The following TACC2 variants were observed in gnomAD, a reference collection of about 807,000 sequenced individuals.
The protein encoded by TACC2 is transforming acidic coiled-coil-containing protein 2.
Under a neutral mutation model 227.3 loss-of-function variants are expected in TACC2, and 137 were observed. The ratio of observed to expected loss-of-function variants is 0.60; its 90% CI spans 0.52 to 0.69. The LOEUF (loss-of-function observed/expected upper bound fraction) is 0.69. Ranked by LOEUF, TACC2 falls within the 30% of genes least tolerant of loss-of-function variation. TACC2 has a pLI of 0.00. For synonymous variants in TACC2, 1,523 were observed against 1,487.5 expected (o/e 1.02, Z -0.55); for missense variants, 3,470 against 3,694.4 (o/e 0.94, Z 1.57).
chr10:122,117,367 G>T (rs1348535146), intron 5 of TACC2, among the ~76,000 whole-genome samples: 2 of 151,650 alleles, frequency 1.3e-5, no homozygotes, highest in Non-Finnish European at 2.9e-5. Flanking sequence ...CTAATTTTTT[G>T]TATTTTTAGT....
At chr10:122,218,227 G>A (rs2095450108) in intron 11 of TACC2, among the ~76,000 whole-genome samples, 1 of 152,206 alleles carries the variant, frequency 6.6e-6, no homozygotes, top group South Asian at 2.1e-4. Flanking sequence ...ACACGTGTGA[G>A]CCACCGCGCC....
At chr10:122,017,233 GGTGGTTTCTGGAAA>G (rs1956768562) in intron 1 of TACC2, among the ~76,000 whole-genome samples, 1 of 152,258 alleles carries the variant, frequency 6.6e-6, no homozygotes, top group Admixed American at 6.5e-5. Context: ...GTTTCTGGAG[GGTGGTTTCTGGAAA>G]GTGGTTTCTG....
chr10:122,018,379 T>C (rs1407563473), intron 1 of TACC2, among the ~76,000 whole-genome samples: 1 of 152,214 alleles, frequency 6.6e-6, no homozygotes, highest in Non-Finnish European at 1.5e-5. Context: ...ACATTTACAC[T>C]TGTAAAACTT....
At chr10:122,252,466 A>C (rs1460579885) in intron 22 of TACC2, among the ~76,000 whole-genome samples, 1 of 151,620 alleles carries the variant, frequency 6.6e-6, no homozygotes, top group Non-Finnish European at 1.5e-5. Flanking sequence ...AGCAGGGGCC[A>C]TAGTGGCAAT....
chr10:122,182,234 T>C (rs1265971461), intron 7 of TACC2, among the ~76,000 whole-genome samples: 4 of 152,234 alleles, frequency 2.6e-5, no homozygotes, highest in Non-Finnish European at 5.9e-5. Context: ...GGCAGGACCC[T>C]GAGAACTATC....
At chr10:121,995,539 A>C (rs1324812687) in intron 1 of TACC2, among the ~76,000 whole-genome samples, 1 of 152,186 alleles carries the variant, frequency 6.6e-6, no homozygotes, top group Non-Finnish European at 1.5e-5. Context: ...TGAGTGTATT[A>C]GTCTGTTTTG....
At position 122,242,011 on chromosome 10, in the gene TACC2, C is replaced by T. The variant is rs1435483464; in HGVS notation, c.8392+10C>T. 6.2e-7 allele frequency: 1 copy of T among 1,613,980 alleles called. No homozygotes were observed. Among genetic ancestry groups the T allele is most frequent in the Non-Finnish European group, 8.5e-7 (1 of 1,179,820 alleles). On this transcript the variant is annotated intron_variant, in intron 19 of 22. Transcript: ENST00000369005. ...ATCGCTCAGATGATAGGTAGGTGTC[C>T]TGACCTGCGGGGGCTCAGGCCGGCC...
At chr10:122,121,626 CT>C (rs2085822218) in intron 5 of TACC2, among the ~76,000 whole-genome samples, 1 of 152,238 alleles carries the variant, frequency 6.6e-6, no homozygotes, top group Admixed American at 6.5e-5. Flanking sequence ...GTGACAAGCG[CT>C]GCTTATAATT....
At chr10:122,032,999 CAAA>C (rs1221264157) in intron 2 of TACC2, 166 of 752,822 alleles carry the variant, frequency 2.2e-4, no homozygotes, top group Non-Finnish European at 2.7e-4. Flanking sequence ...ACAACAACAA[CAAA>C]AACAAAAAAA....
Position 122,121,040 on chromosome 10 carries a change from G to A in TACC2, c.5574-11569G>A, listed in dbSNP as rs563099248. Among the ~76,000 whole-genome samples the A allele has an allele frequency of 2.8e-4, 42 of 152,262 alleles. 2 individuals carry two copies. The South Asian group carries it at 7.7e-3, about 28-fold the overall frequency. On this transcript the variant is annotated intron_variant, in intron 5 of 22. Coordinates refer to ENST00000369005, the MANE Select transcript of TACC2 (RefSeq NM_206862.4). The stretch of plus-strand genomic sequence containing the variant: ...CTCCCAAAGTGCTGGGATTACAGGC[G>A]TGAACCACCACACCTGGCCCTGTAT...
At chr10:122,247,038 A>C (rs2096137447) in intron 19 of TACC2, 1 of 152,536 alleles carries the variant, frequency 6.6e-6, no homozygotes, top group African/African-American at 2.4e-5. Flanking sequence ...GCTGGAGCAG[A>C]GAGGCCTGGG....
At chr10:122,233,997 G>A (rs540081149) in intron 16 of TACC2, among the ~76,000 whole-genome samples, 26 of 152,358 alleles carry the variant, frequency 1.7e-4, no homozygotes, top group Middle Eastern at 3.4e-3. Flanking sequence ...CACCAGGCCT[G>A]TGTCCATGCA....
intron 4 of TACC2, 83 bp downstream of exon 4, chr10:122,088,042 A>T: frequency 7.1e-7 from 1 of 1,402,114 alleles, no homozygotes; most frequent in Non-Finnish European, 9.3e-7. Flanking sequence ...AGTCAGTCGC[A>T]TAGGTGAGTG....
At chr10:122,249,177 G>T (rs1431129466) in intron 21 of TACC2, 21 bp downstream of exon 21, 3 of 1,582,472 alleles carry the variant, frequency 1.9e-6, no homozygotes, top group Admixed American at 3.6e-5. Flanking sequence ...GCCACTGGGG[G>T]TGGCTCCCAG....
At chr10:122,057,340 G>A (rs2076307571) in intron 3 of TACC2, among the ~76,000 whole-genome samples, 6 of 152,190 alleles carry the variant, frequency 3.9e-5, no homozygotes, top group Admixed American at 3.9e-4. Context: ...TTGTAGTAGA[G>A]GAATGGTGGC....
At chr10:122,118,121 TCTC>T (rs1349064086) in intron 5 of TACC2, among the ~76,000 whole-genome samples, 1 of 151,944 alleles carries the variant, frequency 6.6e-6, no homozygotes, top group Non-Finnish European at 1.5e-5. Flanking sequence ...TTCAAACTGT[TCTC>T]CTGCTTCAGC....
At chr10:122,088,170 C>G (rs188584272) in intron 4 of TACC2, among the ~76,000 whole-genome samples, 2 of 152,300 alleles carry the variant, frequency 1.3e-5, no homozygotes, top group Middle Eastern at 3.4e-3. Context: ...GAGCTGTTGA[C>G]TATGTTCTTT....
At chr10:122,152,213 T>G (rs900384199) in intron 7 of TACC2, among the ~76,000 whole-genome samples, 1 of 152,238 alleles carries the variant, frequency 6.6e-6, no homozygotes, top group Admixed American at 6.5e-5. Context: ...ACCGTCTTGC[T>G]GAGCATCATT....
intron 18 of TACC2, among the ~76,000 whole-genome samples, chr10:122,240,579 C>T (rs775025261): frequency 6.6e-6 from 1 of 152,192 alleles, no homozygotes; most frequent in Non-Finnish European, 1.5e-5. Context: ...GTAAGCAGAG[C>T]GCCCGCAGCT....
Sources: allele counts gnomAD v4.1 joint callset (sites outside exome capture counted in the v4.1 genomes callset), GRCh38; gene constraint gnomAD v4.1.1; transcripts MANE v1.5; gene names NCBI Gene and HGNC (gene_info 2026-07-23, HGNC 2026-07-21).